ACTN2: variants seen among roughly 807,000 people sequenced by gnomAD.
ACTN2 encodes alpha-actinin-2.
In ACTN2, 39 loss-of-function variants were observed where a neutral mutation model predicts 113.8. The observed-to-expected ratio is 0.34, with a 90% CI of 0.27 to 0.45. The LOEUF (loss-of-function observed/expected upper bound fraction) is 0.45. Among genes scored for constraint, ACTN2 ranks in the 20% least tolerant of loss-of-function variants. The pLI, the probability that ACTN2 is intolerant of heterozygous loss-of-function variation, is 1.00. For synonymous variants in ACTN2, 429 were observed against 444.1 expected (o/e 0.97, Z 0.43); for missense variants, 992 against 1,177.9 (o/e 0.84, Z 2.31).
chr1:236,695,563 T>TCCTCC (rs1657467692), intron 1 of ACTN2, among the ~76,000 whole-genome samples: 4 of 100,794 alleles, frequency 4.0e-5, no homozygotes, highest in Admixed American at 2.2e-4. Flanking sequence ...TGAAATGAGT[T>TCCTCC]CCCCCCCCCT....
chr1:236,743,852 C>T (rs896624354), intron 11 of ACTN2, among the ~76,000 whole-genome samples: 9 of 152,244 alleles, frequency 5.9e-5, no homozygotes, highest in East Asian at 1.9e-4. Context: ...GTGTCCTCTT[C>T]GAAATGGGAA....
rs112309203 is a variant in ACTN2, at chr1:236,725,036, G to A, written c.449-897G>A. Reference sequence around the variant, plus strand: ...GATTAGTTGTCATCAACTACACACAGTTTATTTTTTCATGTGAGTTGCACT... The same window carrying A: ...GATTAGTTGTCATCAACTACACACAATTTATTTTTTCATGTGAGTTGCACT... On this transcript the variant is annotated intron_variant, in intron 4 of 20. Transcript: ENST00000366578. Among the ~76,000 whole-genome samples the A allele has an allele frequency of 2.4e-3, 366 of 152,164 alleles. 1 individual carries two copies. The highest frequency in any genetic ancestry group is 8.3e-3 in the African/African-American group (345 of 41,492).
At chr1:236,723,955 C>T (rs553650991) in intron 4 of ACTN2, among the ~76,000 whole-genome samples, 3 of 152,230 alleles carry the variant, frequency 2.0e-5, no homozygotes, top group East Asian at 1.9e-4. Context: ...AGATGTGTGT[C>T]GGTTTGGGTC....
chr1:236,749,844 G>A (rs1338395134), intron 14 of ACTN2, among the ~76,000 whole-genome samples: 1 of 152,126 alleles, frequency 6.6e-6, no homozygotes, highest in East Asian at 1.9e-4. Flanking sequence ...TACAACAACT[G>A]CTGCATCATT....
At chr1:236,739,192 T>C in intron 9 of ACTN2, 110 bp from the exon 10 acceptor site, 1 of 1,149,224 alleles carries the variant, frequency 8.7e-7, no homozygotes, top group South Asian at 1.2e-5. Context: ...ATCTCAGTGA[T>C]TTTAGGAACA....
intron 9 of ACTN2, among the ~76,000 whole-genome samples, chr1:236,738,939 A>G (rs534335371): frequency 1.3e-5 from 2 of 152,312 alleles, no homozygotes; most frequent in Non-Finnish European, 2.9e-5. Context: ...CAGTTCTGCC[A>G]TGTCAAGTAT....
chr1:236,758,303 A>ATTTTTTT (rs1349813845), intron 18 of ACTN2, among the ~76,000 whole-genome samples: 3 of 135,912 alleles, frequency 2.2e-5, no homozygotes, highest in Admixed American at 7.1e-5. Flanking sequence ...TTTTTTTTTA[A>ATTTTTTT]TGAGACGGAG....
rs1202999352 is a variant in ACTN2, at chr1:236,745,348, G to A, written c.1406+572G>A. Reference sequence around the variant, plus strand: ...GCTCGGGAGGCTGAGGCAGGAGAATGGTGTGAACCCAGGAGGCGGAGCTTG... The same window carrying A: ...GCTCGGGAGGCTGAGGCAGGAGAATAGTGTGAACCCAGGAGGCGGAGCTTG... On this transcript the variant is annotated intron_variant, in intron 12 of 20. Transcript: ENST00000366578. Among the ~76,000 whole-genome samples the A allele has an allele frequency of 2.0e-5, 3 of 152,120 alleles. No homozygotes were observed. The East Asian group carries it at 5.8e-4, about 29-fold the overall frequency.
intron 19 of ACTN2, 42 bp from the exon 20 acceptor site, chr1:236,760,973 G>T: frequency 6.2e-7 from 1 of 1,613,208 alleles, no homozygotes; most frequent in East Asian, 2.2e-5. Context: ...GTTGAGAGTT[G>T]TGTACCGTTC....
rs193166480 is a variant in ACTN2, at chr1:236,735,746, T to A, written c.783+26T>A. The A allele has an allele frequency of 1.9e-6, 3 of 1,602,062 alleles. No homozygotes were observed. In the East Asian group the frequency reaches 6.7e-5, roughly 36 times the overall value. On this transcript the variant is annotated intron_variant, in intron 8 of 20. Transcript: ENST00000366578. ...GTACTCAACACTTGTCCGTCCGGGC[T>A]GTTGTGTTACTCTCTGTTGGTTTTA...
At position 236,749,108 on chromosome 1, in the gene ACTN2, T is replaced by G. The variant is rs780869813; in HGVS notation, c.1516-16T>G. ...TAATTAGTCTATGATAATGCTTGCT[T>G]CTCTTTATTCTTTAGAGAATGGAGA... On this transcript the variant is annotated splice_polypyrimidine_tract_variant and intron_variant, in intron 13 of 20. Coordinates refer to ENST00000366578, the MANE Select transcript of ACTN2 (RefSeq NM_001103.4). 1 of 1,614,036 alleles carries G rather than the reference T, an allele frequency of 6.2e-7. No homozygotes were observed. Among genetic ancestry groups the G allele is most frequent in the South Asian group, 1.1e-5 (1 of 91,084 alleles).
chr1:236,709,504 A>G (rs892433327), intron 1 of ACTN2, among the ~76,000 whole-genome samples: 5 of 151,256 alleles, frequency 3.3e-5, no homozygotes, highest in African/African-American at 1.2e-4. Flanking sequence ...CCTGTCCTCC[A>G]TGCCCCATCT....
intron 8 of ACTN2, chr1:236,736,874 C>T (rs931963428): frequency 8.3e-6 from 5 of 604,312 alleles, no homozygotes; most frequent in African/African-American, 1.8e-5. Flanking sequence ...GACTAATGCT[C>T]TCTCCCCGTT....
intron 12 of ACTN2, among the ~76,000 whole-genome samples, chr1:236,745,051 C>T (rs1659185774): frequency 6.6e-6 from 1 of 152,142 alleles, no homozygotes; most frequent in Non-Finnish European, 1.5e-5. Context: ...AATATTGGGG[C>T]CCAGAAAGCT....
At position 236,762,560 on chromosome 1, in the gene ACTN2, C is replaced by T. The variant is rs1324890985; in HGVS notation, c.2626C>T (p.Pro876Ser). 6.2e-7 allele frequency: 1 copy of T among 1,614,048 alleles called. No homozygotes were observed. Among genetic ancestry groups the T allele is most frequent in the Non-Finnish European group, 8.5e-7 (1 of 1,180,046 alleles). ...CGCCTACTCGGGCCCAGGCAGTGTG[C>T]CTGGTGCACTGGATTACGCTGCGTT... ...MPAYSGPGSV[P>S]GALDYAAFSS... Residue 876 changes from proline to serine, a missense_variant, in exon 21 of 21, where the codon CCT (proline) becomes TCT (serine). By Grantham distance (74) the Pro-to-Ser change is moderately conservative (BLOSUM62 -1). Coordinates refer to ENST00000366578, the MANE Select transcript of ACTN2 (RefSeq NM_001103.4).
chr1:236,742,404 G>A (rs1659098275), intron 10 of ACTN2, among the ~76,000 whole-genome samples: 1 of 152,136 alleles, frequency 6.6e-6, no homozygotes. Flanking sequence ...CCCAGTCACT[G>A]AATAAGAGTT....
chr1:236,727,045 C>T (rs913404255), intron 5 of ACTN2, among the ~76,000 whole-genome samples: 2 of 152,220 alleles, frequency 1.3e-5, no homozygotes, highest in African/African-American at 2.4e-5. Context: ...AACCCGCTGT[C>T]GCCAGCAAGC....
intron 6 of ACTN2, among the ~76,000 whole-genome samples, chr1:236,728,038 T>C (rs1161629372): frequency 1.3e-5 from 2 of 152,208 alleles, no homozygotes; most frequent in African/African-American, 4.8e-5. Flanking sequence ...TGATTTACTA[T>C]GAAGGCTTTC....
rs772894420 is a variant in ACTN2 at position 236,727,706 on chromosome 1, C to G, written c.565C>G (p.Leu189Val). The G allele has an allele frequency of 1.2e-6, 2 of 1,614,024 alleles. No homozygotes were observed. Among genetic ancestry groups the G allele is most frequent in the African/African-American group, 1.3e-5 (1 of 74,918 alleles). Residue 189 changes from leucine to valine, a missense_variant, in exon 6 of 21, where the codon CTC (leucine) becomes GTC (valine). Physicochemically the swap from Leu to Val is conservative, Grantham distance 32 (BLOSUM62 1). This residue lies in a region of ACTN2 where 220 missense variants were observed against 337.5 expected (regional missense o/e 0.65). Coordinates refer to ENST00000366578, the MANE Select transcript of ACTN2 (RefSeq NM_001103.4). Reference sequence around the variant, plus strand: ...GAAAGATGGCCTTGGACTCTGTGCCCTCATCCACCGACACCGGCCTGACCT... The same window carrying G: ...GAAAGATGGCCTTGGACTCTGTGCCGTCATCCACCGACACCGGCCTGACCT... The part of the protein sequence containing the change: ...SWKDGLGLCA[L>V]IHRHRPDLID...
Sources: gnomAD v4.1 joint callset for allele counts (sites outside exome capture counted in the v4.1 genomes callset) on GRCh38, gnomAD v4.1.1 for gene constraint, gnomAD v4.1.1 regional missense constraint, MANE v1.5 for transcripts, NCBI Gene and HGNC (gene_info 2026-07-23, HGNC 2026-07-21) for gene names.